The following RUFY4 variants were observed in gnomAD, a reference collection of about 807,000 sequenced individuals.
RUFY4 encodes RUN and FYVE domain containing 4, also known as RUN and FYVE domain-containing protein 4.
RUFY4 carries 73 observed loss-of-function variants against 69.0 expected under a neutral mutation model. That is an observed-to-expected ratio of 1.06 (90% CI 0.88 to 1.29). The LOEUF (loss-of-function observed/expected upper bound fraction) is 1.29. RUFY4 is among the 50% of genes most tolerant of loss of function. RUFY4 has a pLI of 0.00. For missense variants in RUFY4, 770 were observed against 705.6 expected, an observed-to-expected ratio of 1.09 and a Z score of -1.03; for synonymous variants, 287 against 271.8, an observed-to-expected ratio of 1.06 and a Z score of -0.55.
At chr2:218,054,321 G>A (rs955862148) in intron 2 of RUFY4, among the ~76,000 whole-genome samples, 2 of 152,106 alleles carry the variant, frequency 1.3e-5, no homozygotes, top group Non-Finnish European at 2.9e-5. Flanking sequence ...TTGGGAGGTC[G>A]AGGCGGGAAG....
intron 6 of RUFY4, 151 bp from the exon 9 acceptor site, chr2:218,074,942 T>C: frequency 1.2e-6 from 1 of 844,098 alleles, no homozygotes; most frequent in Non-Finnish European, 1.8e-6. Context: ...AAAGTCAGAT[T>C]TGGGGTTTGA....
intron 2 of RUFY4, among the ~76,000 whole-genome samples, chr2:218,053,633 C>A (rs1688993137): frequency 6.6e-6 from 1 of 152,184 alleles, no homozygotes; most frequent in Non-Finnish European, 1.5e-5. Context: ...CCTCAGCCTC[C>A]CGGGTAACTG....
In RUFY4 at chr2:218,090,173, GA is replaced by G. The variant is rs1358259400; in HGVS notation, c.*121del. The G allele has an allele frequency of 1.3e-5, 7 of 532,320 alleles. No homozygotes were observed. The Admixed American group carries it at 1.5e-4, about 11-fold the overall frequency. The allele number at this position is 532,320 out of a possible 1,614,324, so 33.0% of individuals were successfully genotyped here. ...TTGTCCAGTCCTCATTCTAGACACT[GA>G]AGATCTAAGGCACCAGCACTTCTGT... is the stretch of plus-strand genomic sequence containing the variant. On this transcript the variant is annotated 3_prime_UTR_variant, in exon 11 of 11. Coordinates refer to ENST00000344321, the Ensembl canonical transcript of RUFY4.
At chr2:218,073,912 G>A (rs766767607) in intron 6 of RUFY4, 27 bp downstream of exon 8, 16 of 1,611,356 alleles carry the variant, frequency 9.9e-6, no homozygotes, top group Middle Eastern at 3.3e-4. Flanking sequence ...TTCACTCTGA[G>A]TTGCCTCTTC....
chr2:218,065,099 C>T (rs1689293224), upstream of RUFY4, among the ~76,000 whole-genome samples: 1 of 152,156 alleles, frequency 6.6e-6, no homozygotes, highest in Non-Finnish European at 1.5e-5. Flanking sequence ...ATCATCTCAT[C>T]TTTGTGAGAT....
rs370386753 is a variant in RUFY4, at chr2:218,075,240, G to A, written c.748G>A (p.Glu250Lys). Residue 250 changes from glutamate (E) to lysine (K), a missense_variant, in exon 7 of 11, where the codon GAA becomes AAA. Transcript: ENST00000344321. ...ACAAAGGCATCTTCCTTTCTTTTTGGAAAAGAAGGGGGAAAGTTCCAGGAA... is the reference window on the plus strand; with the variant it reads ...ACAAAGGCATCTTCCTTTCTTTTTGAAAAAGAAGGGGGAAAGTTCCAGGAA... The A allele has an allele frequency of 3.2e-5, 50 of 1,569,542 alleles. No individual in the cohort carries two copies. In the African/African-American group the frequency reaches 5.8e-4, roughly 18 times the overall value.
At chr2:218,088,683 G>T (rs1352422731) in intron 9 of RUFY4, among the ~76,000 whole-genome samples, 1 of 152,066 alleles carries the variant, frequency 6.6e-6, no homozygotes, top group East Asian at 1.9e-4. Flanking sequence ...AGGTTATTTT[G>T]GGCAAAGAGG....
At chr2:218,066,172 CTTTTCTTTTTT>C (rs1689322947), upstream of RUFY4, among the ~76,000 whole-genome samples, 2 of 109,590 alleles carry the variant, frequency 1.8e-5, no homozygotes, top group South Asian at 2.9e-4. Flanking sequence ...GTCATCTTTT[CTTTTCTTTTTT>C]TTTTTTTTTT....
At chr2:218,085,956 G>A (rs1340833907) in intron 9 of RUFY4, among the ~76,000 whole-genome samples, 1 of 152,124 alleles carries the variant, frequency 6.6e-6, no homozygotes, top group African/African-American at 2.4e-5. Flanking sequence ...CCAGATATTT[G>A]AGGAGAGTCT....
At chr2:218,035,695 G>A (rs544109040) in intron 2 of RUFY4, among the ~76,000 whole-genome samples, 19 of 152,268 alleles carry the variant, frequency 1.2e-4, no homozygotes, top group South Asian at 4.2e-4. Context: ...CAGTGTCCCC[G>A]TCTGGGCCCC....
chr2:218,046,201 A>G (rs375745979), intron 2 of RUFY4, among the ~76,000 whole-genome samples: 26 of 152,014 alleles, frequency 1.7e-4, no homozygotes, highest in South Asian at 4.2e-4. Context: ...TGTGTTGGGA[A>G]TATTCAATAT....
Position 218,089,270 on chromosome 2 carries a change from G to A in RUFY4, c.1521G>A (p.Trp507Ter), listed in dbSNP as rs1689971794. 2 of 1,613,638 alleles carry A rather than the reference G, an allele frequency of 1.2e-6. No individual in the cohort carries two copies. Among genetic ancestry groups the A allele is most frequent in the Non-Finnish European group, 1.7e-6 (2 of 1,179,774 alleles). Residue 507 changes from tryptophan to a stop codon, truncating the protein, a stop_gained, in exon 10 of 11, where the codon TGG becomes TGA. Coordinates refer to ENST00000344321, the Ensembl canonical transcript of RUFY4. LOFTEE classifies it high-confidence loss of function. Reference sequence around the variant, plus strand: ...CCATCAGAGAGAAGGACCGCCTGTGGCAGAGGCTCCAGCATCTCTCTTCCA... The same window carrying A: ...CCATCAGAGAGAAGGACCGCCTGTGACAGAGGCTCCAGCATCTCTCTTCCA...
chr2:218,059,002 T>C (rs1440573918), intron 3 of RUFY4, among the ~76,000 whole-genome samples: 1 of 152,136 alleles, frequency 6.6e-6, no homozygotes, highest in Non-Finnish European at 1.5e-5. Context: ...GGGCTCCATC[T>C]CTATTCTATC....
At chr2:218,067,817 C>G (rs1689379777), upstream of RUFY4, among the ~76,000 whole-genome samples, 1 of 152,242 alleles carries the variant, frequency 6.6e-6, no homozygotes, top group East Asian at 1.9e-4. Flanking sequence ...CTGACTGTCC[C>G]TGCTCCTGCC....
Position 218,070,661 on chromosome 2 carries a change from T to A in RUFY4, c.46+10T>A. The stretch of plus-strand genomic sequence containing the variant: ...ACCAAAGACCTAAGAGGTGAGTGTG[T>A]CCTGAGAGATGCTCTGGGACTGAGT... On this transcript the variant is annotated intron_variant, in intron 1 of 10. Coordinates refer to ENST00000344321, the Ensembl canonical transcript of RUFY4. 2.0e-6 allele frequency: 3 copies of A among 1,537,340 alleles called. No homozygotes were observed. Among genetic ancestry groups the A allele is most frequent in the Non-Finnish European group, 2.6e-6 (3 of 1,146,724 alleles).
chr2:218,039,007 A>G (rs901716440), intron 2 of RUFY4, among the ~76,000 whole-genome samples: 3 of 152,186 alleles, frequency 2.0e-5, no homozygotes, highest in Non-Finnish European at 2.9e-5. Flanking sequence ...AATCGGTTGC[A>G]TAACTGGTTT....
chr2:218,051,813 T>G (rs999496705), intron 2 of RUFY4, among the ~76,000 whole-genome samples: 2 of 152,120 alleles, frequency 1.3e-5, no homozygotes, highest in African/African-American at 4.8e-5. Flanking sequence ...AACAGAAAGG[T>G]TTTCTTAAAA....
At chr2:218,062,262 C>T (rs1274419136) in intron 3 of RUFY4, among the ~76,000 whole-genome samples, 3 of 151,958 alleles carry the variant, frequency 2.0e-5, no homozygotes, top group Non-Finnish European at 2.9e-5. Flanking sequence ...AAAAATTAGC[C>T]GGGCATGGTG....
At chr2:218,075,546 G>A (rs965912330) in exon 7 of RUFY4, 2 of 1,540,548 alleles carry the variant, frequency 1.3e-6, no homozygotes, top group African/African-American at 1.4e-5. Flanking sequence ...CAGCCCCAGA[G>A]GGGCTGTAGA....
Sources: gnomAD v4.1 joint callset for allele counts (sites outside exome capture counted in the v4.1 genomes callset) on GRCh38, gnomAD v4.1.1 for gene constraint, MANE v1.5 for transcripts, NCBI Gene and HGNC (gene_info 2026-07-23, HGNC 2026-07-21) for gene names.